The following SPATA19 variants were observed in gnomAD, a reference collection of about 807,000 sequenced individuals.
SPATA19 encodes the protein spermatogenesis associated 19, also known as spermatogenesis-associated protein 19, mitochondrial.
Under a neutral mutation model 25.0 loss-of-function variants are expected in SPATA19, and 19 were observed. The ratio of observed to expected loss-of-function variants is 0.76; its 90% CI spans 0.53 to 1.11. SPATA19 has a LOEUF of 1.11. Among genes scored for constraint, SPATA19 ranks in the 50% most tolerant of loss-of-function variants. The probability of loss-of-function intolerance (pLI) is 0.00; values close to 1 mark genes in which losing one functional copy is unlikely to be tolerated. For missense variants in SPATA19, 222 were observed against 211.4 expected (o/e 1.05, Z -0.31); for synonymous variants, 64 against 69.3 (o/e 0.92, Z 0.38).
At chr11:133,845,305 G>C in intron 1 of SPATA19, 64 bp downstream of exon 1, 1 of 1,468,858 alleles carries the variant, frequency 6.8e-7, no homozygotes, top group South Asian at 1.1e-5. Flanking sequence ...AAGTGCAGCA[G>C]GGTCCCACAG....
chr11:133,836,606 CTG>C (rs1404580150), downstream of SPATA19, among the ~76,000 whole-genome samples: 2 of 152,222 alleles, frequency 1.3e-5, no homozygotes, highest in African/African-American at 4.8e-5. Flanking sequence ...TCTGGACTGA[CTG>C]TCCCTCATCT....
chr11:133,841,029 C>G (rs2121177194), intron 6 of SPATA19, 106 bp from the exon 7 acceptor site: 1 of 152,286 alleles, frequency 6.6e-6, no homozygotes, highest in Non-Finnish European at 1.5e-5. Flanking sequence ...GAACTGTGTA[C>G]CCTCCCAGCA....
chr11:133,844,539 A>T lies in SPATA19; in HGVS notation c.237T>A (p.His79Gln), dbSNP rs778296451. The T allele has an allele frequency of 6.2e-7, 1 of 1,614,174 alleles. No individual in the cohort carries two copies. Among genetic ancestry groups the T allele is most frequent in the East Asian group, 2.2e-5 (1 of 44,868 alleles). The change falls in exon 3 of 7, where the codon CAT becomes CAA. Residue 79 changes from histidine to glutamine, a missense_variant. Coordinates refer to ENST00000299140, the MANE Select transcript of SPATA19 (RefSeq NM_174927.3). ...EKMSTDSPPT[H>Q]GQDIHVTRDV... is the part of the protein sequence containing the mutation. ...CTCTGGTCACGTGGATGTCCTGGCCATGGGTGGGAGGGGAGTCAGTGGACA... is the reference window on the plus strand; with the variant it reads ...CTCTGGTCACGTGGATGTCCTGGCCTTGGGTGGGAGGGGAGTCAGTGGACA...
chr11:133,842,700 C>G (rs1938335436), intron 4 of SPATA19, 138 bp from the exon 5 acceptor site: 2 of 698,094 alleles, frequency 2.9e-6, no homozygotes, highest in South Asian at 1.7e-5. Context: ...GTCTCTCCCC[C>G]TTCTTGACTC....
Position 133,844,562 on chromosome 11 carries a change from A to C in SPATA19, c.214T>G (p.Ser72Ala). ...CCATGGGTGGGAGGGGAGTCAGTGG[A>C]CATCTTCTCCCTTACACCCTGGGAA... ...HPSQGVREKM[S>A]TDSPPTHGQD... The change falls in exon 3 of 7, where the codon TCC becomes GCC. Residue 72 changes from serine to alanine, a missense_variant. Coordinates refer to ENST00000299140, the MANE Select transcript of SPATA19 (RefSeq NM_174927.3). 6.2e-7 allele frequency: 1 copy of C among 1,614,104 alleles called. No homozygotes were observed. The highest frequency in any genetic ancestry group is 8.5e-7 in the Non-Finnish European group (1 of 1,179,998).
chr11:133,842,031 T>C lies in SPATA19; in HGVS notation c.*8A>G. On this transcript the variant is annotated splice_region_variant and 3_prime_UTR_variant, in exon 6 of 7. Transcript: ENST00000299140. The stretch of plus-strand genomic sequence containing the variant: ...TTCCTCATCCGTCAGCTCTCTCACC[T>C]GTTGCTCTCAGCAGTCTGAGGAGGA... The C allele has an allele frequency of 6.2e-7, 1 of 1,613,766 alleles. No individual in the cohort carries two copies. Among genetic ancestry groups the C allele is most frequent in the South Asian group, 1.1e-5 (1 of 91,074 alleles).
chr11:133,844,395 G>A, intron 3 of SPATA19, 58 bp from the exon 4 acceptor site: 4 of 1,607,652 alleles, frequency 2.5e-6, no homozygotes, highest in Non-Finnish European at 3.4e-6. Flanking sequence ...AACTGGGCTG[G>A]CACAGAGCCC....
At chr11:133,841,118 C>A (rs1376693465) in intron 6 of SPATA19, among the ~76,000 whole-genome samples, 195 bp from the exon 7 acceptor site, 2 of 152,140 alleles carry the variant, frequency 1.3e-5, no homozygotes, top group African/African-American at 4.8e-5. Context: ...ACCCCCAAGA[C>A]AACCCTCCAA....
At chr11:133,844,138 C>A in intron 4 of SPATA19, 108 bp downstream of exon 4, 1 of 897,190 alleles carries the variant, frequency 1.1e-6, no homozygotes, top group Non-Finnish European at 1.8e-6. Flanking sequence ...AGGAATTTGT[C>A]AGCCAAAGAC....
chr11:133,839,448 G>A (rs1316835396), downstream of SPATA19, among the ~76,000 whole-genome samples: 12 of 150,692 alleles, frequency 8.0e-5, no homozygotes, highest in Admixed American at 4.0e-4. Flanking sequence ...ACCAAACACC[G>A]CATGTCCTCA....
chr11:133,836,400 C>T (rs958207888), downstream of SPATA19, among the ~76,000 whole-genome samples: 1 of 152,186 alleles, frequency 6.6e-6, no homozygotes, highest in Non-Finnish European at 1.5e-5. Context: ...GGGGAGGAAC[C>T]TTAGCCTCTC....
chr11:133,845,081 G>T, intron 2 of SPATA19, 53 bp downstream of exon 2: 1 of 1,512,734 alleles, frequency 6.6e-7, no homozygotes, highest in Non-Finnish European at 9.1e-7. Context: ...CACCCACTGA[G>T]ACCACTTCTC....
chr11:133,843,253 T>C (rs1034006875), intron 4 of SPATA19, among the ~76,000 whole-genome samples: 2 of 152,140 alleles, frequency 1.3e-5, no homozygotes, highest in Non-Finnish European at 2.9e-5. Context: ...GATGTGTGTG[T>C]TATCCAAACC....
intron 1 of SPATA19, 68 bp from the exon 2 acceptor site, chr11:133,845,258 G>T (rs2298738): frequency 5.9e-6 from 9 of 1,514,854 alleles, no homozygotes; most frequent in Non-Finnish European, 8.2e-6. Context: ...CCCAGCCCCC[G>T]CAACTGTTAC....
chr11:133,844,593 G>A lies in SPATA19; in HGVS notation c.183C>T (p.Asn61=), dbSNP rs368071203. 1.1e-5 allele frequency: 18 copies of A among 1,613,492 alleles called. No individual in the cohort carries two copies. The East Asian group carries it at 1.3e-4, about 12-fold the overall frequency. ...TCTCCCTTACACCCTGGGAAGGGTG[G>A]TTGATGGACAGCTTTTCCTTTATGC... is the stretch of plus-strand genomic sequence containing the variant. The part of the protein sequence containing the change: ...SRGIKEKLSI[N]HPSQGVREKM... Residue 61 remains asparagine (N), a synonymous_variant, in exon 3 of 7, where the codon AAC becomes AAT. Coordinates refer to ENST00000299140, the MANE Select transcript of SPATA19 (RefSeq NM_174927.3).
downstream of SPATA19, among the ~76,000 whole-genome samples, chr11:133,838,512 C>T (rs1483091449): frequency 6.6e-6 from 1 of 152,124 alleles, no homozygotes; most frequent in Non-Finnish European, 1.5e-5. Flanking sequence ...TTCCTTACAC[C>T]TTATACAAAA....
rs1591683996 is a variant in SPATA19 at position 133,840,867 on chromosome 11, T to A, written c.*66A>T. 1 of 152,148 alleles carries A rather than the reference T, an allele frequency of 6.6e-6. No homozygotes were observed. Among genetic ancestry groups the A allele is most frequent in the East Asian group, 1.9e-4 (1 of 5,172 alleles). The allele number at this position is 152,148 out of a possible 1,614,324, so 9.4% of individuals were successfully genotyped here. A position where few individuals can be genotyped will look rare whatever the true frequency, so the allele number is the denominator to read the frequency against. On this transcript the variant is annotated 3_prime_UTR_variant, in exon 7 of 7. Transcript: ENST00000299140. ...CAGGGAGATGTGGTTGGCCAAGGGGTAGGGCTGATGATGACTCCCTGTAAC... is the reference window on the plus strand; with the variant it reads ...CAGGGAGATGTGGTTGGCCAAGGGGAAGGGCTGATGATGACTCCCTGTAAC...
intron 3 of SPATA19, 42 bp downstream of exon 3, chr11:133,844,467 C>G (rs908884750): frequency 1.9e-6 from 3 of 1,613,912 alleles, no homozygotes; most frequent in Non-Finnish European, 2.5e-6. Context: ...CTCCCCTCTC[C>G]CTCACCGCTA....
intron 4 of SPATA19, among the ~76,000 whole-genome samples, chr11:133,843,333 C>G (rs779628218): frequency 6.6e-6 from 1 of 152,114 alleles, no homozygotes; most frequent in Non-Finnish European, 1.5e-5. Context: ...TTATAATCAA[C>G]AACATTTATG....
Sources: allele counts gnomAD v4.1 joint callset (sites outside exome capture counted in the v4.1 genomes callset), GRCh38; gene constraint gnomAD v4.1.1; transcripts MANE v1.5; gene names NCBI Gene and HGNC (gene_info 2026-07-23, HGNC 2026-07-21).